SYNJ1: variants seen among roughly 807,000 people sequenced by gnomAD.
SYNJ1 encodes the protein synaptojanin 1.
In SYNJ1, 78 loss-of-function variants were observed where a neutral mutation model predicts 168.2. That is an observed-to-expected ratio of 0.46 (90% CI 0.39 to 0.56). The LOEUF is 0.56. SYNJ1 is among the 20% of genes least tolerant of loss of function. The pLI is 0.00. For synonymous variants in SYNJ1, 539 were observed against 548.6 expected, an observed-to-expected ratio of 0.98 and a Z score of 0.24; for missense variants, 1,303 against 1,597.6, an observed-to-expected ratio of 0.82 and a Z score of 3.14.
chr21:32,665,471 G>GCAGATT (rs1428568691), intron 17 of SYNJ1, among the ~76,000 whole-genome samples: 1 of 152,174 alleles, frequency 6.6e-6, no homozygotes, highest in Non-Finnish European at 1.5e-5. Context: ...ATGCAAAAAT[G>GCAGATT]CAGATTCACT....
At chr21:32,637,806 C>A (rs1407039551) in intron 31 of SYNJ1, among the ~76,000 whole-genome samples, 1 of 152,154 alleles carries the variant, frequency 6.6e-6, no homozygotes, top group African/African-American at 2.4e-5. Flanking sequence ...TATTATATAT[C>A]CTTCAACTTT....
intron 15 of SYNJ1, 116 bp from the exon 16 acceptor site, chr21:32,666,689 C>A: frequency 1.8e-6 from 2 of 1,090,064 alleles, no homozygotes; most frequent in Non-Finnish European, 2.4e-6. Flanking sequence ...CTGAAGGAAG[C>A]TTAGGCTGTT....
At chr21:32,641,440 T>C (rs2039829684) in intron 29 of SYNJ1, among the ~76,000 whole-genome samples, 1 of 152,148 alleles carries the variant, frequency 6.6e-6, no homozygotes. Flanking sequence ...CTTTACGGAA[T>C]ATGATGAACC....
intron 3 of SYNJ1, 141 bp downstream of exon 3, chr21:32,701,820 A>C: frequency 9.2e-6 from 5 of 543,986 alleles, no homozygotes; most frequent in African/African-American, 1.9e-5. Context: ...AATATTAGCT[A>C]CATTAATGTT....
intron 13 of SYNJ1, among the ~76,000 whole-genome samples, chr21:32,674,974 T>A (rs2041346870): frequency 6.6e-6 from 1 of 152,186 alleles, no homozygotes; most frequent in Non-Finnish European, 1.5e-5. Flanking sequence ...ATATGCAGAT[T>A]TCTCACCACC....
At chr21:32,656,357 T>C (rs111705650) in intron 21 of SYNJ1, among the ~76,000 whole-genome samples, 35 of 152,248 alleles carry the variant, frequency 2.3e-4, no homozygotes, top group African/African-American at 7.9e-4. Context: ...GGTGGGAGAA[T>C]TGCTTGAGCC....
chr21:32,687,196 T>C, intron 7 of SYNJ1, 122 bp from the exon 8 acceptor site: 1 of 533,246 alleles, frequency 1.9e-6, no homozygotes, highest in Non-Finnish European at 3.1e-6. Flanking sequence ...ATTGGAAAAC[T>C]GGGTGCGAAT....
chr21:32,712,960 A>G (rs1464644692), intron 2 of SYNJ1, among the ~76,000 whole-genome samples: 2 of 152,256 alleles, frequency 1.3e-5, no homozygotes, highest in African/African-American at 4.8e-5. Context: ...ACATATATGT[A>G]CCAAAAAACA....
intron 2 of SYNJ1, among the ~76,000 whole-genome samples, 197 bp downstream of exon 2, chr21:32,726,575 C>T (rs1376301412): frequency 6.6e-6 from 1 of 152,168 alleles, no homozygotes; most frequent in African/African-American, 2.4e-5. Flanking sequence ...CTGCATCTCC[C>T]TGCACCCCCT....
At chr21:32,701,889 T>C (rs1412051041) in intron 3 of SYNJ1, 72 bp downstream of exon 3, 2 of 1,114,498 alleles carry the variant, frequency 1.8e-6, no homozygotes, top group African/African-American at 3.1e-5. Context: ...TCATAGCTAG[T>C]CCCTCTCAAA....
rs187970948 is a variant in SYNJ1 at position 32,725,995 on chromosome 21, G to A, written c.124+777C>T. Among the ~76,000 whole-genome samples, 409 of 152,170 alleles carry A rather than the reference G, an allele frequency of 2.7e-3. 3 individuals carry two copies. The highest frequency in any genetic ancestry group is 2.3e-3 in the Non-Finnish European group (158 of 68,004). ...AGCGGGGACTAAAGGGCACACGACG[G>A]AGCCGAACTACTTTTTGTATTTTTT... On this transcript the variant is annotated intron_variant, in intron 2 of 32. Transcript: ENST00000674351.
chr21:32,695,841 G>GT (rs201904973), intron 4 of SYNJ1, among the ~76,000 whole-genome samples: 2,087 of 127,626 alleles, frequency 0.016, 72 homozygotes, highest in African/African-American at 0.052. Flanking sequence ...TTTTTGTTTT[G>GT]TTTTGTTTTT....
chr21:32,650,210 T>G lies in SYNJ1; in HGVS notation c.3011A>C (p.Glu1004Ala). 2.5e-6 allele frequency: 4 copies of G among 1,609,044 alleles called. No homozygotes were observed. The highest frequency in any genetic ancestry group is 3.4e-6 in the Non-Finnish European group (4 of 1,178,648). ...TSSTLLGEDA[E>A]VAADFDMEGD... is the part of the protein sequence containing the mutation. ...TTCCATATCAAAATCTGCTGCAACCTCTGCATCTTCACCAAGCAGGGTAGA... is the reference window on the plus strand; with the variant it reads ...TTCCATATCAAAATCTGCTGCAACCGCTGCATCTTCACCAAGCAGGGTAGA... The change falls in exon 23 of 33, where the codon GAG (glutamate) becomes GCG (alanine). Residue 1004 changes from glutamate (E) to alanine (A), a missense_variant. This residue lies in a region of SYNJ1 where 920 missense variants were observed against 1,208.8 expected (regional missense o/e 0.76). Transcript: ENST00000674351.
intron 11 of SYNJ1, among the ~76,000 whole-genome samples, chr21:32,681,295 G>A (rs1406890635): frequency 6.6e-6 from 1 of 152,040 alleles, no homozygotes; most frequent in Non-Finnish European, 1.5e-5. Flanking sequence ...CCCAAACTTA[G>A]GGAAATACCT....
intron 10 of SYNJ1, among the ~76,000 whole-genome samples, chr21:32,683,412 T>A (rs1453055203): frequency 1.3e-5 from 2 of 152,190 alleles, no homozygotes; most frequent in Non-Finnish European, 1.5e-5. Context: ...ATTTTCATTC[T>A]CACTAACTAT....
At chr21:32,681,357 C>T in intron 11 of SYNJ1, 139 bp downstream of exon 11, 1 of 944,496 alleles carries the variant, frequency 1.1e-6, no homozygotes, top group South Asian at 2.2e-5. Flanking sequence ...TCAAAGAAGG[C>T]ATAAAAGCAC....
At chr21:32,663,714 G>A (rs565471190) in intron 18 of SYNJ1, among the ~76,000 whole-genome samples, 102 of 152,298 alleles carry the variant, frequency 6.7e-4, no homozygotes, top group African/African-American at 2.3e-3. Flanking sequence ...AAGATGGCTC[G>A]TGGGGATACT....
In SYNJ1 at chr21:32,631,246, C is replaced by T. The variant is rs766797595; in HGVS notation, c.*559G>A. 4 of 1,614,204 alleles carry T rather than the reference C, an allele frequency of 2.5e-6. No homozygotes were observed. The South Asian group carries it at 3.3e-5, about 13-fold the overall frequency. On this transcript the variant is annotated 3_prime_UTR_variant, in exon 33 of 33. Transcript: ENST00000674351. ...GCTGACTTTGACTTCCCTTTCACAC[C>T]AAAATCCTCTTCTTCCTCGAAGGTT...
rs1375563899 is a variant in SYNJ1, at chr21:32,628,798, G to A, written c.*3007C>T. 2.0e-5 allele frequency: 3 copies of A among 152,548 alleles called. No individual in the cohort carries two copies. The highest frequency in any genetic ancestry group is 2.1e-4 in the South Asian group (1 of 4,832). The allele number at this position is 152,548 out of a possible 1,614,324, so 9.4% of individuals were successfully genotyped here. On this transcript the variant is annotated 3_prime_UTR_variant, in exon 33 of 33. Transcript: ENST00000674351. ...ATATATTTATTTCATATGACAGCAC[G>A]TTTCACAGGATATGTACAGAATGTC...
Sources: allele counts gnomAD v4.1 joint callset (sites outside exome capture counted in the v4.1 genomes callset), GRCh38; gene constraint gnomAD v4.1.1; regional missense constraint gnomAD v4.1.1; transcripts MANE v1.5; gene names NCBI Gene and HGNC (gene_info 2026-07-23, HGNC 2026-07-21).